RPN1: variants seen among roughly 807,000 people sequenced by gnomAD.
RPN1 encodes ribophorin I, also known as dolichyl-diphosphooligosaccharide--protein glycosyltransferase subunit 1.
RPN1 carries 12 observed loss-of-function variants against 55.5 expected under a neutral mutation model. The observed-to-expected ratio is 0.22, with a 90% CI of 0.14 to 0.35. The LOEUF (loss-of-function observed/expected upper bound fraction) is 0.35. RPN1 is among the 10% of genes least tolerant of loss of function. RPN1 has a pLI of 1.00. For synonymous variants in RPN1, 317 were observed against 305.9 expected, an observed-to-expected ratio of 1.04 and a Z score of -0.38; for missense variants, 679 against 761.3, an observed-to-expected ratio of 0.89 and a Z score of 1.27.
chr3:128,635,690 T>TATATACACACACAC (rs376139334), intron 3 of RPN1, among the ~76,000 whole-genome samples: 3 of 138,274 alleles, frequency 2.2e-5, no homozygotes, highest in Admixed American at 7.5e-5. Context: ...TCTATAGATA[T>TATATACACACACAC]ACACACACAC....
chr3:128,647,876 T>C (rs1352779231), intron 1 of RPN1, among the ~76,000 whole-genome samples: 1 of 152,046 alleles, frequency 6.6e-6, no homozygotes, highest in Non-Finnish European at 1.5e-5. Flanking sequence ...GGGTCCTTGG[T>C]GGTAAAAAGA....
chr3:128,635,612 GATAT>G (rs112246211), intron 3 of RPN1, among the ~76,000 whole-genome samples: 30,573 of 123,142 alleles, frequency 0.25, 4,516 homozygotes, highest in Middle Eastern at 0.3. Flanking sequence ...TATAACTTGA[GATAT>G]ATATATATAT....
chr3:128,649,150 G>GGTTA (rs1292959160), intron 1 of RPN1, among the ~76,000 whole-genome samples: 1 of 152,140 alleles, frequency 6.6e-6, no homozygotes, highest in African/African-American at 2.4e-5. Flanking sequence ...TTGTGGTAAT[G>GGTTA]GTTACACCAG....
At chr3:128,637,648 AT>A in intron 3 of RPN1, 150 bp downstream of exon 3, 1 of 748,362 alleles carries the variant, frequency 1.3e-6, no homozygotes, top group Non-Finnish European at 2.2e-6. Context: ...CCATGGAGTC[AT>A]TTCACTGCAG....
chr3:128,646,514 C>T (rs1205479660), intron 1 of RPN1, among the ~76,000 whole-genome samples: 1 of 151,702 alleles, frequency 6.6e-6, no homozygotes, highest in African/African-American at 2.4e-5. Context: ...AGTGAAACTT[C>T]ATCTCTACTA....
chr3:128,639,785 G>A (rs1166986848), intron 2 of RPN1, among the ~76,000 whole-genome samples: 1 of 151,704 alleles, frequency 6.6e-6, no homozygotes, highest in African/African-American at 2.4e-5. Flanking sequence ...AGGGGATTTC[G>A]CCACGTTGGC....
In RPN1 at chr3:128,626,727, A is replaced by G; in HGVS notation, c.1136+6T>C. ...GGGTGCAAAGGAGAGGAACAGTCACACTCACTTGGCTCCTTCAGGCAGGAT... is the reference window on the plus strand; with the variant it reads ...GGGTGCAAAGGAGAGGAACAGTCACGCTCACTTGGCTCCTTCAGGCAGGAT... On this transcript the variant is annotated splice_donor_region_variant and intron_variant, in intron 6 of 9. Coordinates refer to ENST00000296255, the MANE Select transcript of RPN1 (RefSeq NM_002950.4). The G allele has an allele frequency of 6.2e-7, 1 of 1,613,418 alleles. No individual in the cohort carries two copies.
intron 8 of RPN1, 53 bp downstream of exon 8, chr3:128,625,481 T>C: frequency 6.2e-7 from 1 of 1,613,008 alleles, no homozygotes; most frequent in Non-Finnish European, 8.5e-7. Flanking sequence ...CTCAAGCTGG[T>C]GAAATATTAC....
chr3:128,631,400 C>T (rs2069640692), intron 4 of RPN1, among the ~76,000 whole-genome samples: 1 of 151,556 alleles, frequency 6.6e-6, no homozygotes, highest in African/African-American at 2.4e-5. Flanking sequence ...ATTGCTTGAA[C>T]CTGGGAGGCG....
chr3:128,645,451 CAA>C (rs1238228986), intron 1 of RPN1, among the ~76,000 whole-genome samples: 3 of 150,688 alleles, frequency 2.0e-5, no homozygotes, highest in African/African-American at 7.3e-5. Flanking sequence ...GCCTGCATAA[CAA>C]GAGCAAAATT....
chr3:128,638,412 T>G (rs2069697459), intron 2 of RPN1, among the ~76,000 whole-genome samples: 1 of 152,170 alleles, frequency 6.6e-6, no homozygotes, highest in Non-Finnish European at 1.5e-5. Flanking sequence ...TTTACACTGT[T>G]TTACACTCTT....
At chr3:128,634,563 CTTTTT>C (rs374113354) in intron 3 of RPN1, among the ~76,000 whole-genome samples, 1 of 135,642 alleles carries the variant, frequency 7.4e-6, no homozygotes, top group Non-Finnish European at 1.6e-5. Flanking sequence ...CTCCATAAAC[CTTTTT>C]TTTTTTTTTT....
intron 3 of RPN1, among the ~76,000 whole-genome samples, chr3:128,635,820 A>G (rs746749162): frequency 4.0e-5 from 6 of 149,692 alleles, no homozygotes; most frequent in African/African-American, 1.5e-4. Flanking sequence ...CCATATATAC[A>G]TATATATATA....
At chr3:128,623,344 C>G (rs138819447) in intron 8 of RPN1, among the ~76,000 whole-genome samples, 3,062 of 152,192 alleles carry the variant, frequency 0.02, 111 homozygotes, top group African/African-American at 0.069. Flanking sequence ...CGAGACCAGC[C>G]TAGCCAACAT....
intron 2 of RPN1, chr3:128,641,256 A>C (rs2069722755): frequency 6.6e-6 from 1 of 152,230 alleles, no homozygotes; most frequent in Admixed American, 6.5e-5. Context: ...AAATTCATAT[A>C]ATGTATGCAC....
intron 4 of RPN1, among the ~76,000 whole-genome samples, chr3:128,630,798 T>A (rs1220522012): frequency 6.6e-6 from 1 of 152,232 alleles, no homozygotes; most frequent in Non-Finnish European, 1.5e-5. Context: ...TTTTCCTTTT[T>A]CTATTCAAAT....
chr3:128,647,531 A>C (rs746861181), intron 1 of RPN1, among the ~76,000 whole-genome samples: 11 of 151,884 alleles, frequency 7.2e-5, no homozygotes, highest in Non-Finnish European at 1.5e-4. Context: ...AAAAACAAAA[A>C]ATTGCTCTTA....
In RPN1 at chr3:128,632,096, C is replaced by T. The variant is rs1313400925; in HGVS notation, c.695G>A (p.Arg232Gln). 3.1e-6 allele frequency: 5 copies of T among 1,614,100 alleles called. No homozygotes were observed. The highest frequency in any genetic ancestry group is 3.4e-6 in the Non-Finnish European group (4 of 1,180,030). ...ACCCCAGTGAGAGACTTCAATGACT[C>T]GGGTCATGCTGGTGATGGTCAGGAA... ...SPFLTITSMT[R>Q]VIEVSHWGNI... The change falls in exon 4 of 10, where the codon CGA (arginine) becomes CAA (glutamine). Residue 232 changes from arginine to glutamine, a missense_variant. This residue lies in a region of RPN1 where 352 missense variants were observed against 352.8 expected (regional missense o/e 1.00). Transcript: ENST00000296255.
intron 7 of RPN1, 82 bp from the exon 8 acceptor site, chr3:128,625,735 T>G: frequency 6.3e-7 from 1 of 1,595,092 alleles, no homozygotes; most frequent in Non-Finnish European, 8.6e-7. Context: ...CCACTCGACC[T>G]GCTGCCCCAC....
Sources: allele counts gnomAD v4.1 joint callset (sites outside exome capture counted in the v4.1 genomes callset), GRCh38; gene constraint gnomAD v4.1.1; regional missense constraint gnomAD v4.1.1; transcripts MANE v1.5; gene names NCBI Gene and HGNC (gene_info 2026-07-23, HGNC 2026-07-21).